ASB18: variants seen among roughly 807,000 people sequenced by gnomAD.
The protein encoded by ASB18 is ankyrin repeat and SOCS box containing 18.
In ASB18, 33 loss-of-function variants were observed where a neutral mutation model predicts 33.4. That is an observed-to-expected ratio of 0.99 (90% CI 0.75 to 1.32). ASB18 has a LOEUF of 1.32. ASB18 is among the 40% of genes most tolerant of loss of function. ASB18 has a pLI of 0.00. For synonymous variants in ASB18, 295 were observed against 307.6 expected (o/e 0.96, Z 0.43); for missense variants, 694 against 655.5 (o/e 1.06, Z -0.64).
Position 236,214,576 on chromosome 2 carries a change from G to A in ASB18, c.887C>T (p.Pro296Leu). 8 of 1,326,816 alleles carry A rather than the reference G, an allele frequency of 6.0e-6. No individual in the cohort carries two copies. Among genetic ancestry groups the A allele is most frequent in the Non-Finnish European group, 7.6e-6 (8 of 1,046,362 alleles). The allele number at this position is 1,326,816 out of a possible 1,614,324, so 82.2% of individuals were successfully genotyped here. A position where few individuals can be genotyped will look rare whatever the true frequency, so the allele number is the denominator to read the frequency against. Residue 296 changes from proline to leucine, a missense_variant, in exon 4 of 6, where the codon CCG (proline) becomes CTG (leucine). Coordinates refer to ENST00000409749, the MANE Select transcript of ASB18 (RefSeq NM_212556.4). This position sits in a 1 kb window ranked among gnomAD's most constrained non-coding sequence, Gnocchi z 6.5. ...ADARDEDERS[P>L]LHKACGHASH... The stretch of plus-strand genomic sequence containing the variant: ...CGCGTGGCCGCAGGCTTTGTGCAGC[G>A]GGCTGCGCTCGTCCTCGTCGCGCGC...
At position 236,216,117 on chromosome 2, in the gene ASB18, C is replaced by G. The variant is rs563549570; in HGVS notation, c.597-1251G>C. ...CTTCAAGCCGGAGTCCATTCTTCAC[C>G]CCCCTCCTTTTCTCTGCGGGTCTGC... On this transcript the variant is annotated intron_variant, in intron 3 of 5. Transcript: ENST00000409749. This position sits in a 1 kb window ranked among gnomAD's most constrained non-coding sequence, Gnocchi z 6.1. Among the ~76,000 whole-genome samples, 5 of 152,188 alleles carry G rather than the reference C, an allele frequency of 3.3e-5. No homozygotes were observed. The highest frequency in any genetic ancestry group is 1.2e-4 in the African/African-American group (5 of 41,454).
In ASB18 at chr2:236,255,083, A is replaced by G. The variant is rs1223833263; in HGVS notation, c.205+9058T>C. On this transcript the variant is annotated intron_variant, in intron 1 of 5. Transcript: ENST00000409749. The surrounding 1 kb of genome is among the most constrained non-coding windows in gnomAD (Gnocchi z 4.4). ...AGTCTCCCCAGAAGCCGAAGCCGCT[A>G]CGCTTCCTGTACAGCCTGCAGAACC... Among the ~76,000 whole-genome samples, 1 of 152,178 alleles carries G rather than the reference A, an allele frequency of 6.6e-6. No homozygotes were observed. Among genetic ancestry groups the G allele is most frequent in the Non-Finnish European group, 1.5e-5 (1 of 68,042 alleles).
At chr2:236,202,712 G>A (rs952945240) in intron 4 of ASB18, among the ~76,000 whole-genome samples, 1 of 147,716 alleles carries the variant, frequency 6.8e-6, no homozygotes, top group African/African-American at 2.5e-5. Context: ...CCAGGAGGCA[G>A]AGGTTGCAGT....
chr2:236,196,376 T>C lies in ASB18; in HGVS notation c.1111A>G (p.Thr371Ala). The stretch of plus-strand genomic sequence containing the variant: ...ATGACTGCGGGGACAGATGCACAGG[T>C]CTTCAGCACCTGGTGGGAAGAGGTG... Reference protein sequence around the residue: ...WPDAFPKVLKTCASVPAVIEV... With the variant: ...WPDAFPKVLKACASVPAVIEV... Residue 371 changes from threonine (T) to alanine (A), a missense_variant, in exon 5 of 6, where the codon ACC becomes GCC. Thr to Ala is a moderately conservative substitution (Grantham distance 58, BLOSUM62 0). Coordinates refer to ENST00000409749, the MANE Select transcript of ASB18 (RefSeq NM_212556.4). The surrounding 1 kb of genome is among the most constrained non-coding windows in gnomAD (Gnocchi z 5.6). The C allele has an allele frequency of 1.3e-6, 2 of 1,557,764 alleles. No individual in the cohort carries two copies. The highest frequency in any genetic ancestry group is 1.7e-6 in the Non-Finnish European group (2 of 1,148,992).
rs2060368904 is a variant in ASB18, at chr2:236,195,780, T to C, written c.1215+492A>G. On this transcript the variant is annotated intron_variant, in intron 5 of 5. Coordinates refer to ENST00000409749, the MANE Select transcript of ASB18 (RefSeq NM_212556.4). This position sits in a 1 kb window ranked among gnomAD's most constrained non-coding sequence, Gnocchi z 5.5. ...ATCTGCCTGCCTTGGCCTCTCAAAG[T>C]GCTAGGATTACAGGCATGAGCCACC... is the stretch of plus-strand genomic sequence containing the variant. Among the ~76,000 whole-genome samples the C allele has an allele frequency of 6.6e-6, 1 of 152,158 alleles. No individual in the cohort carries two copies. The highest frequency in any genetic ancestry group is 6.5e-5 in the Admixed American group (1 of 15,286).
In ASB18 at chr2:236,251,984, A is replaced by C. The variant is rs1482760559; in HGVS notation, c.206-10582T>G. On this transcript the variant is annotated intron_variant, in intron 1 of 5. Transcript: ENST00000409749. This position sits in a 1 kb window ranked among gnomAD's most constrained non-coding sequence, Gnocchi z 5.3. The stretch of plus-strand genomic sequence containing the variant: ...GAAGCTTACAGAAATAAATAGTAGA[A>C]ATCTGGCCGGGCATGGTGGCTCATG... Among the ~76,000 whole-genome samples the C allele has an allele frequency of 6.6e-6, 1 of 152,100 alleles. No homozygotes were observed. The highest frequency in any genetic ancestry group is 1.5e-5 in the Non-Finnish European group (1 of 68,024).
At position 236,216,583 on chromosome 2, in the gene ASB18, CCATCT is replaced by C. The variant is rs2060488792; in HGVS notation, c.597-1722_597-1718del. Among the ~76,000 whole-genome samples the C allele has an allele frequency of 6.6e-6, 1 of 152,182 alleles. No homozygotes were observed. The highest frequency in any genetic ancestry group is 2.4e-5 in the African/African-American group (1 of 41,438). ...TGCCCCATTTCAACTGGTCACTGAGCCATCTCATCACCTGAACTGCTTCCTCCCTC... is the reference window on the plus strand; with the variant it reads ...TGCCCCATTTCAACTGGTCACTGAGCCATCACCTGAACTGCTTCCTCCCTC... On this transcript the variant is annotated intron_variant, in intron 3 of 5. Transcript: ENST00000409749. The surrounding 1 kb of genome is among the most constrained non-coding windows in gnomAD (Gnocchi z 6.1).
rs930993258 is a variant in ASB18, at chr2:236,208,311, C to T, written c.1101+6051G>A. On this transcript the variant is annotated intron_variant, in intron 4 of 5. Transcript: ENST00000409749. The surrounding 1 kb of genome is among the most constrained non-coding windows in gnomAD (Gnocchi z 7.7). ...TGATATTTCTGGCTCACACGAGCCC[C>T]ACTAACATGCCATTTCCTCGTGCAC... Among the ~76,000 whole-genome samples the T allele has an allele frequency of 4.6e-5, 7 of 152,174 alleles. No homozygotes were observed. Among genetic ancestry groups the T allele is most frequent in the African/African-American group, 1.4e-4 (6 of 41,436 alleles).
rs1278409017 is a variant in ASB18, at chr2:236,200,072, C to T, written c.1102-3687G>A. ...TTAGAAAAGAGATGGAGAAGCCAGG[C>T]ACGGTGGCTCACTCCTGTAATTCCA... On this transcript the variant is annotated intron_variant, in intron 4 of 5. Transcript: ENST00000409749. The surrounding 1 kb of genome is among the most constrained non-coding windows in gnomAD (Gnocchi z 4.2). Among the ~76,000 whole-genome samples the T allele has an allele frequency of 1.3e-5, 2 of 152,140 alleles. No individual in the cohort carries two copies. The highest frequency in any genetic ancestry group is 4.8e-5 in the African/African-American group (2 of 41,426).
rs2060367270 is a variant in ASB18 at position 236,195,439 on chromosome 2, T to C, written c.1216-382A>G. On this transcript the variant is annotated intron_variant, in intron 5 of 5. Transcript: ENST00000409749. The surrounding 1 kb of genome is among the most constrained non-coding windows in gnomAD (Gnocchi z 5.5). The stretch of plus-strand genomic sequence containing the variant: ...AGGGAGGGGCTCAGGAGCGAGTGCA[T>C]GGCATTGGTCTGGTGGTCAGTCATG... Among the ~76,000 whole-genome samples, 1 of 152,020 alleles carries C rather than the reference T, an allele frequency of 6.6e-6. No homozygotes were observed. Among genetic ancestry groups the C allele is most frequent in the Non-Finnish European group, 1.5e-5 (1 of 68,020 alleles).
rs1244436359 is a variant in ASB18, at chr2:236,204,614, C to T, written c.1102-8229G>A. Among the ~76,000 whole-genome samples, 2 of 152,250 alleles carry T rather than the reference C, an allele frequency of 1.3e-5. No individual in the cohort carries two copies. The highest frequency in any genetic ancestry group is 3.8e-4 in the East Asian group (2 of 5,198). On this transcript the variant is annotated intron_variant, in intron 4 of 5. Transcript: ENST00000409749. This position sits in a 1 kb window ranked among gnomAD's most constrained non-coding sequence, Gnocchi z 5.1. Reference sequence around the variant, plus strand: ...TATCCAGCTGCTTACATTGTAGCTACACCTGGCTGTATCCCACACTCAACA... The same window carrying T: ...TATCCAGCTGCTTACATTGTAGCTATACCTGGCTGTATCCCACACTCAACA...
In ASB18 at chr2:236,200,901, T is replaced by C. The variant is rs2060397695; in HGVS notation, c.1102-4516A>G. 6.6e-6 allele frequency among the ~76,000 whole-genome samples: 1 copy of C among 152,232 alleles called. No homozygotes were observed. The highest frequency in any genetic ancestry group is 6.5e-5 in the Admixed American group (1 of 15,284). ...TTCTCTTTTAAAATATTATAACCCA[T>C]TAATTTTTGCCTTTATCATTATTAA... On this transcript the variant is annotated intron_variant, in intron 4 of 5. Transcript: ENST00000409749. This position sits in a 1 kb window ranked among gnomAD's most constrained non-coding sequence, Gnocchi z 4.2.
rs1227571387 is a variant in ASB18, at chr2:236,255,064, C to G, written c.205+9077G>C. 6.6e-6 allele frequency among the ~76,000 whole-genome samples: 1 copy of G among 152,174 alleles called. No homozygotes were observed. The highest frequency in any genetic ancestry group is 2.4e-5 in the African/African-American group (1 of 41,436). On this transcript the variant is annotated intron_variant, in intron 1 of 5. Transcript: ENST00000409749. This position sits in a 1 kb window ranked among gnomAD's most constrained non-coding sequence, Gnocchi z 4.4. ...GCGACTGAAAGCTTCCTGAAGTCTC[C>G]CCAGAAGCCGAAGCCGCTACGCTTC...
chr2:236,199,782 ATT>A (rs2060391229), intron 4 of ASB18, among the ~76,000 whole-genome samples: 1 of 140,122 alleles, frequency 7.1e-6, no homozygotes, highest in Non-Finnish European at 1.6e-5. Context: ...ATCTGATAAA[ATT>A]TGTTTTTTTT....
rs1482610647 is a variant in ASB18, at chr2:236,234,351, G to A, written c.596+3338C>T. On this transcript the variant is annotated intron_variant, in intron 3 of 5. Transcript: ENST00000409749. This position sits in a 1 kb window ranked among gnomAD's most constrained non-coding sequence, Gnocchi z 4.1. ...CCCCTTCAGAATAGAGATACAGGCTGTGAACCTCTCAGCTCTGATCTAGGC... is the reference window on the plus strand; with the variant it reads ...CCCCTTCAGAATAGAGATACAGGCTATGAACCTCTCAGCTCTGATCTAGGC... 2.0e-5 allele frequency among the ~76,000 whole-genome samples: 3 copies of A among 152,220 alleles called. No homozygotes were observed. The East Asian group carries it at 5.8e-4, about 29-fold the overall frequency.
chr2:236,237,561 TGCAGGGTCTGGGTCCGGAG>T lies in ASB18; in HGVS notation c.596+109_596+127del. 1.5e-6 allele frequency: 1 copy of T among 689,510 alleles called. No homozygotes were observed. Among genetic ancestry groups the T allele is most frequent in the Admixed American group, 5.1e-5 (1 of 19,442 alleles). The allele number at this position is 689,510 out of a possible 1,614,324, so 42.7% of individuals were successfully genotyped here. A position where few individuals can be genotyped will look rare whatever the true frequency, so the allele number is the denominator to read the frequency against. ...GGGATCCAGTGGGCAGAGTCAAGGG[TGCAGGGTCTGGGTCCGGAG>T]GCGGGGGCTGGGACGGAGGCGGAGG... is the stretch of plus-strand genomic sequence containing the variant. On this transcript the variant is annotated intron_variant, in intron 3 of 5. Coordinates refer to ENST00000409749, the MANE Select transcript of ASB18 (RefSeq NM_212556.4). The surrounding 1 kb of genome is among the most constrained non-coding windows in gnomAD (Gnocchi z 6.2).
Position 236,239,722 on chromosome 2 carries a change from G to GATCA in ASB18, c.328+1554_328+1557dup, listed in dbSNP as rs1269523281. The stretch of plus-strand genomic sequence containing the variant: ...ACTGGGGACCTGCTCCCTGTACTCA[G>GATCA]ATCAATCCCTTCCCCACCAGGGGAG... On this transcript the variant is annotated intron_variant, in intron 2 of 5. Transcript: ENST00000409749. The surrounding 1 kb of genome is among the most constrained non-coding windows in gnomAD (Gnocchi z 5.6). 6.6e-6 allele frequency among the ~76,000 whole-genome samples: 1 copy of GATCA among 152,234 alleles called. No individual in the cohort carries two copies. The highest frequency in any genetic ancestry group is 1.5e-5 in the Non-Finnish European group (1 of 68,044).
intron 4 of ASB18, among the ~76,000 whole-genome samples, chr2:236,198,529 G>A (rs1487861578): frequency 6.6e-5 from 10 of 151,764 alleles, no homozygotes; most frequent in African/African-American, 1.5e-4. Context: ...CACCACACCC[G>A]GCTGATTTTT....
rs2060448586 is a variant in ASB18 at position 236,209,332 on chromosome 2, T to C, written c.1101+5030A>G. On this transcript the variant is annotated intron_variant, in intron 4 of 5. Coordinates refer to ENST00000409749, the MANE Select transcript of ASB18 (RefSeq NM_212556.4). The surrounding 1 kb of genome is among the most constrained non-coding windows in gnomAD (Gnocchi z 4.4). ...CTGTCGTCCAGGCTGGAGTGTAGTA[T>C]TGCAATCATGGCTCACTGCAGCTTC... 6.6e-6 allele frequency among the ~76,000 whole-genome samples: 1 copy of C among 151,606 alleles called. No individual in the cohort carries two copies. The highest frequency in any genetic ancestry group is 2.4e-5 in the African/African-American group (1 of 41,204).
Sources: gnomAD v4.1 joint callset for allele counts (sites outside exome capture counted in the v4.1 genomes callset) on GRCh38, gnomAD v4.1.1 for gene constraint, Gnocchi (gnomAD v3.1) non-coding constraint, MANE v1.5 for transcripts, NCBI Gene and HGNC (gene_info 2026-07-23, HGNC 2026-07-21) for gene names.